GRIK2: variants seen among roughly 807,000 people sequenced by gnomAD.
The protein encoded by GRIK2 is glutamate receptor ionotropic, kainate 2.
A neutral mutation model predicts 100.3 loss-of-function variants in GRIK2; 32 were observed. The ratio of observed to expected loss-of-function variants is 0.32; its 90% CI spans 0.24 to 0.43. The LOEUF (loss-of-function observed/expected upper bound fraction) is 0.43, where lower values mean the gene tolerates loss of function less well. Ranked by LOEUF, GRIK2 falls within the 20% of genes least tolerant of loss-of-function variation. GRIK2 has a pLI of 1.00. For synonymous variants in GRIK2, 417 were observed against 389.4 expected, an observed-to-expected ratio of 1.07 and a Z score of -0.83; for missense variants, 843 against 1,114.9, an observed-to-expected ratio of 0.76 and a Z score of 3.47.
intron 2 of GRIK2, among the ~76,000 whole-genome samples, chr6:101,586,508 C>T (rs1422832094): frequency 6.6e-6 from 1 of 151,866 alleles, no homozygotes; most frequent in African/African-American, 2.4e-5. Context: ...AGTAGAGACC[C>T]ATAGGGAAAA....
intron 11 of GRIK2, among the ~76,000 whole-genome samples, chr6:101,861,324 AT>A (rs1387967826): frequency 2.0e-5 from 3 of 152,188 alleles, no homozygotes; most frequent in Non-Finnish European, 4.4e-5. Context: ...AAACATAAAC[AT>A]TTAGATGGTA....
chr6:101,588,442 A>C (rs145787256), intron 2 of GRIK2, among the ~76,000 whole-genome samples: 1 of 131,422 alleles, frequency 7.6e-6, no homozygotes, highest in Non-Finnish European at 1.6e-5. Context: ...AGAGCCATAA[A>C]TATCTTTATG....
chr6:101,969,895 C>G (rs753138007), intron 14 of GRIK2, among the ~76,000 whole-genome samples: 12 of 152,052 alleles, frequency 7.9e-5, no homozygotes, highest in African/African-American at 2.4e-4. Context: ...TATTAACCCT[C>G]TTGTTTTTAC....
In GRIK2 at chr6:101,592,635, C is replaced by T. The variant is rs566480552; in HGVS notation, c.116-29314C>T. On this transcript the variant is annotated intron_variant, in intron 2 of 16. Coordinates refer to ENST00000369134, the MANE Select transcript of GRIK2 (RefSeq NM_021956.5). ...TATATATATATATATTGCTTTTTCA[C>T]AGACAAGCACTACGTCTATCATCTC... 7.3e-4 allele frequency among the ~76,000 whole-genome samples: 83 copies of T among 113,534 alleles called. 1 individual carries two copies. The highest frequency in any genetic ancestry group is 3.0e-3 in the African/African-American group (83 of 27,514). 74.5% of individuals were successfully genotyped at this position (113,534 alleles called of 152,430 possible). A position where few individuals can be genotyped will look rare whatever the true frequency, so the allele number is the denominator to read the frequency against.
At chr6:101,832,155 C>T (rs1782739750) in intron 10 of GRIK2, among the ~76,000 whole-genome samples, 1 of 151,850 alleles carries the variant, frequency 6.6e-6, no homozygotes, top group East Asian at 1.9e-4. Context: ...ATCTTTACTT[C>T]TGCATTTCTT....
At chr6:101,620,826 C>T (rs1430491450) in intron 2 of GRIK2, among the ~76,000 whole-genome samples, 6 of 152,028 alleles carry the variant, frequency 3.9e-5, no homozygotes, top group South Asian at 2.1e-4. Flanking sequence ...AACAATGATT[C>T]TTTTGGAGGC....
At chr6:101,890,769 G>A (rs1160179132) in intron 12 of GRIK2, among the ~76,000 whole-genome samples, 1 of 151,658 alleles carries the variant, frequency 6.6e-6, no homozygotes, top group African/African-American at 2.4e-5. Context: ...GTGTCAATAT[G>A]ATTTAATTTA....
intron 11 of GRIK2, among the ~76,000 whole-genome samples, chr6:101,880,396 A>G (rs1016555597): frequency 6.6e-6 from 1 of 151,980 alleles, no homozygotes; most frequent in Non-Finnish European, 1.5e-5. Flanking sequence ...TCTCTTGCTT[A>G]TATAATTTAT....
intron 14 of GRIK2, among the ~76,000 whole-genome samples, chr6:101,973,374 G>A (rs1381110885): frequency 1.3e-5 from 2 of 151,944 alleles, no homozygotes; most frequent in South Asian, 2.1e-4. Context: ...GACTATAGTT[G>A]TAAGTATGCG....
intron 3 of GRIK2, among the ~76,000 whole-genome samples, chr6:101,624,483 C>A (rs1169980501): frequency 6.6e-6 from 1 of 152,020 alleles, no homozygotes; most frequent in Admixed American, 6.6e-5. Flanking sequence ...AGTGTTCTGA[C>A]AATAATTTAC....
intron 7 of GRIK2, among the ~76,000 whole-genome samples, chr6:101,699,353 C>T (rs1258013699): frequency 6.6e-6 from 1 of 152,144 alleles, no homozygotes; most frequent in Admixed American, 6.6e-5. Context: ...TGGACTCCCA[C>T]TATTCCAGCT....
At chr6:101,873,411 C>T (rs1319681077) in intron 11 of GRIK2, among the ~76,000 whole-genome samples, 1 of 151,928 alleles carries the variant, frequency 6.6e-6, no homozygotes, top group Non-Finnish European at 1.5e-5. Context: ...CATGTCCCTA[C>T]AAAGGACATG....
chr6:101,636,317 C>T lies in GRIK2; in HGVS notation c.541+9680C>T, dbSNP rs559361896. The stretch of plus-strand genomic sequence containing the variant: ...GTTGAACGATGAGAACACATGGACA[C>T]AGAGGGGGCACATCACACACTGGGG... On this transcript the variant is annotated intron_variant, in intron 4 of 16. Coordinates refer to ENST00000369134, the MANE Select transcript of GRIK2 (RefSeq NM_021956.5). Among the ~76,000 whole-genome samples, 4 of 152,066 alleles carry T rather than the reference C, an allele frequency of 2.6e-5. No homozygotes were observed. In the East Asian group the frequency reaches 7.8e-4, roughly 30 times the overall value.
In GRIK2 at chr6:101,924,736, G is replaced by C. The variant is rs748299713; in HGVS notation, c.1867+17G>C. ...TGCAGCAAGGTATACGATTCAGCCT[G>C]CTATTTCCTTTGGGCACCATGTCCC... On this transcript the variant is annotated intron_variant, in intron 13 of 16. Coordinates refer to ENST00000369134, the MANE Select transcript of GRIK2 (RefSeq NM_021956.5). 6.8e-7 allele frequency: 1 copy of C among 1,462,264 alleles called. No homozygotes were observed. Among genetic ancestry groups the C allele is most frequent in the Non-Finnish European group, 9.6e-7 (1 of 1,041,584 alleles). The allele number at this position is 1,462,264 out of a possible 1,614,324, so 90.6% of individuals were successfully genotyped here. A position where few individuals can be genotyped will look rare whatever the true frequency, so the allele number is the denominator to read the frequency against.
intron 11 of GRIK2, among the ~76,000 whole-genome samples, chr6:101,871,934 T>C (rs1785448789): frequency 6.6e-6 from 1 of 151,966 alleles, no homozygotes; most frequent in Non-Finnish European, 1.5e-5. Flanking sequence ...AACTCAGTTC[T>C]TTGAGAAATC....
Position 101,645,070 on chromosome 6 carries a change from C to T in GRIK2, c.541+18433C>T, listed in dbSNP as rs2786241. Among the ~76,000 whole-genome samples, 464 of 151,350 alleles carry T rather than the reference C, an allele frequency of 3.1e-3. 3 individuals carry two copies. Among genetic ancestry groups the T allele is most frequent in the African/African-American group, 0.011 (454 of 41,360 alleles). ...CAATAAACTTGCCTGTTGTTTAGCCCCTGAGACATGTAAACATAACTTACC... is the reference window on the plus strand; with the variant it reads ...CAATAAACTTGCCTGTTGTTTAGCCTCTGAGACATGTAAACATAACTTACC... On this transcript the variant is annotated intron_variant, in intron 4 of 16. Transcript: ENST00000369134.
In GRIK2 at chr6:101,463,813, T is replaced by C. The variant is rs139878986; in HGVS notation, c.115+64421T>C. Among the ~76,000 whole-genome samples the C allele has an allele frequency of 6.4e-3, 973 of 151,386 alleles. 11 individuals are homozygous for C. The highest frequency in any genetic ancestry group is 0.022 in the African/African-American group (930 of 41,368). On this transcript the variant is annotated intron_variant, in intron 2 of 16. Coordinates refer to ENST00000369134, the MANE Select transcript of GRIK2 (RefSeq NM_021956.5). ...TCCCAAGATCAATTTTGAGGAGCAC[T>C]AGTGAACATCGTATTGGTAATTAAA...
At chr6:101,792,649 T>C (rs1293021642) in intron 7 of GRIK2, among the ~76,000 whole-genome samples, 1 of 152,190 alleles carries the variant, frequency 6.6e-6, no homozygotes, top group African/African-American at 2.4e-5. Context: ...CATTTTTTCC[T>C]TCATTTCAAC....
At chr6:101,801,140 A>T (rs2128414050) in intron 8 of GRIK2, among the ~76,000 whole-genome samples, 1 of 152,156 alleles carries the variant, frequency 6.6e-6, no homozygotes, top group Non-Finnish European at 1.5e-5. Flanking sequence ...GTGCAATTTC[A>T]CCTGGTATAC....
Sources: gnomAD v4.1 joint callset for allele counts (sites outside exome capture counted in the v4.1 genomes callset) on GRCh38, gnomAD v4.1.1 for gene constraint, MANE v1.5 for transcripts, NCBI Gene and HGNC (gene_info 2026-07-23, HGNC 2026-07-21) for gene names.